Variants in GRM7 observed in about 807,000 individuals in gnomAD.
GRM7 encodes the protein metabotropic glutamate receptor 7.
A neutral mutation model predicts 84.5 loss-of-function variants in GRM7; 35 were observed. The ratio of observed to expected loss-of-function variants is 0.41; its 90% CI spans 0.32 to 0.55. GRM7 has a LOEUF of 0.55. Ranked by LOEUF, GRM7 falls within the 20% of genes least tolerant of loss-of-function variation. The probability of loss-of-function intolerance (pLI) is 0.19; values close to 1 mark genes in which losing one functional copy is unlikely to be tolerated. For synonymous variants in GRM7, 487 were observed against 455.1 expected (o/e 1.07, Z -0.89); for missense variants, 1,003 against 1,194.6 (o/e 0.84, Z 2.36).
At chr3:7,196,636 C>G (rs1695888281) in intron 2 of GRM7, among the ~76,000 whole-genome samples, 1 of 152,150 alleles carries the variant, frequency 6.6e-6, no homozygotes, top group South Asian at 2.1e-4. Flanking sequence ...TCAATCTCAG[C>G]TTAGATGGCG....
At chr3:7,599,518 G>A (rs957742764) in intron 8 of GRM7, among the ~76,000 whole-genome samples, 2 of 152,128 alleles carry the variant, frequency 1.3e-5, no homozygotes, top group African/African-American at 2.4e-5. Context: ...GTGGGTTTCA[G>A]AAGTAGGTGT....
intron 1 of GRM7, among the ~76,000 whole-genome samples, chr3:7,114,424 A>G (rs1401773011): frequency 6.6e-6 from 1 of 152,210 alleles, no homozygotes; most frequent in East Asian, 1.9e-4. Context: ...TGGTTTATAC[A>G]TTCACATCTG....
chr3:7,219,866 T>C (rs2124871521), intron 2 of GRM7, among the ~76,000 whole-genome samples: 1 of 152,310 alleles, frequency 6.6e-6, no homozygotes, highest in Non-Finnish European at 1.5e-5. Context: ...AAGATGATTC[T>C]GGAGTATCTT....
At chr3:7,269,042 A>T (rs1698754728) in intron 2 of GRM7, among the ~76,000 whole-genome samples, 1 of 152,152 alleles carries the variant, frequency 6.6e-6, no homozygotes, top group African/African-American at 2.4e-5. Context: ...GCTGTCCGTG[A>T]TCTACAATTA....
chr3:7,569,859 C>T (rs759159069), intron 7 of GRM7, among the ~76,000 whole-genome samples: 1 of 152,106 alleles, frequency 6.6e-6, no homozygotes, highest in Non-Finnish European at 1.5e-5. Flanking sequence ...ATCCAAATAT[C>T]AGAAGGAACA....
rs1699202405 is a variant in GRM7, at chr3:7,103,816, T to TCTCTCTC, written c.520-42636_520-42635insCTCTCTC. The stretch of plus-strand genomic sequence containing the variant: ...TTTCTTTCTTTCTTTCTTTCTTTCT[T>TCTCTCTC]TCTCTCTCTCTCTGTCTCTCTCTCC... On this transcript the variant is annotated intron_variant, in intron 1 of 9. Coordinates refer to ENST00000357716, the MANE Select transcript of GRM7 (RefSeq NM_000844.4). 1.3e-4 allele frequency among the ~76,000 whole-genome samples: 12 copies of TCTCTCTC among 89,058 alleles called. 1 individual carries two copies. The highest frequency in any genetic ancestry group is 5.8e-4 in the African/African-American group (12 of 20,704). The allele number at this position is 89,058 out of a possible 152,430, so 58.4% of individuals were successfully genotyped here. A position where few individuals can be genotyped will look rare whatever the true frequency, so the allele number is the denominator to read the frequency against.
chr3:7,528,566 G>A (rs1168029101), intron 7 of GRM7, among the ~76,000 whole-genome samples: 1 of 151,768 alleles, frequency 6.6e-6, no homozygotes, highest in Non-Finnish European at 1.5e-5. Flanking sequence ...CTAGCTTTGT[G>A]TTTAGTTTGT....
chr3:7,150,154 GC>G, intron 2 of GRM7, among the ~76,000 whole-genome samples: 1 of 152,026 alleles, frequency 6.6e-6, no homozygotes, highest in Non-Finnish European at 1.5e-5. Context: ...TCAGTGTACT[GC>G]TGGCAGGTTG....
chr3:7,415,153 C>T lies in GRM7; in HGVS notation c.1164C>T (p.Arg388=). Residue 388 remains arginine (R), a synonymous_variant, in exon 5 of 10, where the codon CGC becomes CGT. Coordinates refer to ENST00000357716, the MANE Select transcript of GRM7 (RefSeq NM_000844.4). The stretch of plus-strand genomic sequence containing the variant: ...GGTCAAAAAAAGAAGACACAGATCG[C>T]AAATGCACAGGTAATTTAATTCTCG... ...ISGSKKEDTD[R]KCTGQERIGK... is the part of the protein sequence containing the mutation. The T allele has an allele frequency of 6.2e-7, 1 of 1,612,662 alleles. No homozygotes were observed. The highest frequency in any genetic ancestry group is 2.2e-5 in the East Asian group (1 of 44,814).
At chr3:7,111,408 A>T (rs78146102) in intron 1 of GRM7, among the ~76,000 whole-genome samples, 3,822 of 152,260 alleles carry the variant, frequency 0.025, 163 homozygotes, top group African/African-American at 0.087. Context: ...AGTATGTTAC[A>T]TGTAAGAGGA....
At chr3:7,062,748 T>A (rs865796013) in intron 1 of GRM7, among the ~76,000 whole-genome samples, 27 of 151,878 alleles carry the variant, frequency 1.8e-4, no homozygotes, top group African/African-American at 6.0e-4. Context: ...ATAACCCATA[T>A]CAACATTAGA....
chr3:6,901,102 A>G (rs1243158763), intron 1 of GRM7, among the ~76,000 whole-genome samples: 1 of 152,194 alleles, frequency 6.6e-6, no homozygotes, highest in African/African-American at 2.4e-5. Context: ...TTACATTTAC[A>G]TTTGTTTTTA....
chr3:6,993,540 G>T (rs934873151), intron 1 of GRM7, among the ~76,000 whole-genome samples: 2 of 152,190 alleles, frequency 1.3e-5, no homozygotes, highest in Middle Eastern at 3.2e-3. Context: ...TAGATGCCCA[G>T]TTGGGTGGCT....
chr3:6,929,788 T>C (rs1370790314), intron 1 of GRM7, among the ~76,000 whole-genome samples: 1 of 152,100 alleles, frequency 6.6e-6, no homozygotes, highest in Non-Finnish European at 1.5e-5. Context: ...TGGAGGTGTG[T>C]AGGGAAGGTG....
At chr3:7,154,566 G>T (rs1340554032) in intron 2 of GRM7, among the ~76,000 whole-genome samples, 1 of 152,106 alleles carries the variant, frequency 6.6e-6, no homozygotes, top group African/African-American at 2.4e-5. Context: ...GCCATAGGAT[G>T]CATGTGCTAA....
intron 9 of GRM7, among the ~76,000 whole-genome samples, chr3:7,730,727 C>G (rs1702298178): frequency 6.6e-6 from 1 of 152,150 alleles, no homozygotes; most frequent in Admixed American, 6.5e-5. Context: ...TAACATTAGC[C>G]TTAAGACAGA....
intron 4 of GRM7, among the ~76,000 whole-genome samples, chr3:7,397,037 C>T (rs1474114355): frequency 1.3e-5 from 2 of 152,062 alleles, no homozygotes; most frequent in African/African-American, 4.8e-5. Flanking sequence ...CATTTTCCTA[C>T]TACTCACATG....
At chr3:7,555,754 G>A (rs1465840705) in intron 7 of GRM7, among the ~76,000 whole-genome samples, 1 of 152,064 alleles carries the variant, frequency 6.6e-6, no homozygotes, top group African/African-American at 2.4e-5. Flanking sequence ...AGAACACTCA[G>A]CAGCACCTCA....
intron 1 of GRM7, among the ~76,000 whole-genome samples, chr3:6,983,397 C>T (rs760753154): frequency 2.6e-5 from 4 of 152,072 alleles, no homozygotes; most frequent in Admixed American, 6.6e-5. Flanking sequence ...GAAAGCTCCT[C>T]GGGTTTCTGT....
Sources: allele counts gnomAD v4.1 joint callset (sites outside exome capture counted in the v4.1 genomes callset), GRCh38; gene constraint gnomAD v4.1.1; transcripts MANE v1.5; gene names NCBI Gene and HGNC (gene_info 2026-07-23, HGNC 2026-07-21).